Variants in PELI3 observed in about 807,000 individuals in gnomAD.
PELI3 encodes E3 ubiquitin-protein ligase pellino homolog 3.
A neutral mutation model predicts 35.5 loss-of-function variants in PELI3; 19 were observed. The ratio of observed to expected loss-of-function variants is 0.54; its 90% CI spans 0.37 to 0.79. The LOEUF (loss-of-function observed/expected upper bound fraction) is 0.79. Ranked by LOEUF, PELI3 falls within the 30% of genes least tolerant of loss-of-function variation. The probability of loss-of-function intolerance (pLI) is 0.00; values close to 1 mark genes in which losing one functional copy is unlikely to be tolerated. For synonymous variants in PELI3, 262 were observed against 279.2 expected, an observed-to-expected ratio of 0.94 and a Z score of 0.62; for missense variants, 490 against 661.2, an observed-to-expected ratio of 0.74 and a Z score of 2.84.
chr11:66,474,354 G>T (rs143772575), intron 7 of PELI3: 2 of 473,010 alleles, frequency 4.2e-6, no homozygotes, highest in East Asian at 4.2e-5. Flanking sequence ...TTCTCCTCTC[G>T]CAGGAGGAAA....
In PELI3 at chr11:66,476,206, C is replaced by G. The variant is rs1297012544; in HGVS notation, c.*39C>G. On this transcript the variant is annotated 3_prime_UTR_variant, in exon 8 of 8. Coordinates refer to ENST00000320740, the MANE Select transcript of PELI3 (RefSeq NM_145065.3). ...CCCTGCTGCTGTGCCCACCTGCCCA[C>G]CCAGGTCCCCACCTCCTGCAGCCCA... is the stretch of plus-strand genomic sequence containing the variant. 3.4e-5 allele frequency: 51 copies of G among 1,507,372 alleles called. No individual in the cohort carries two copies. The highest frequency in any genetic ancestry group is 4.4e-5 in the Non-Finnish European group (50 of 1,128,520). 93.4% of individuals were successfully genotyped at this position (1,507,372 alleles called of 1,614,324 possible). A position where few individuals can be genotyped will look rare whatever the true frequency, so the allele number is the denominator to read the frequency against.
chr11:66,468,828 C>A lies in PELI3; in HGVS notation c.153-5C>A. On this transcript the variant is annotated splice_polypyrimidine_tract_variant and splice_region_variant and intron_variant, in intron 2 of 7. Coordinates refer to ENST00000320740, the MANE Select transcript of PELI3 (RefSeq NM_145065.3). ...GGACATTATTTCATTTCAATCTTCA[C>A]AAAGATGCTGTGAGGAAGGAGGTGA... is the stretch of plus-strand genomic sequence containing the variant. The A allele has an allele frequency of 1.3e-6, 1 of 779,872 alleles. No individual in the cohort carries two copies. Among genetic ancestry groups the A allele is most frequent in the African/African-American group, 1.7e-5 (1 of 59,238 alleles). The allele number at this position is 779,872 out of a possible 1,614,324, so 48.3% of individuals were successfully genotyped here.
In PELI3 at chr11:66,476,237, A is replaced by C; in HGVS notation, c.*70A>C. The C allele has an allele frequency of 3.5e-6, 5 of 1,434,126 alleles. No homozygotes were observed. The allele number at this position is 1,434,126 out of a possible 1,614,324, so 88.8% of individuals were successfully genotyped here. On this transcript the variant is annotated 3_prime_UTR_variant, in exon 8 of 8. Coordinates refer to ENST00000320740, the MANE Select transcript of PELI3 (RefSeq NM_145065.3). ...TCCCCACCTCCTGCAGCCCAGAGGG[A>C]GCTCTGCATGTGGGACACTCCCTGC... is the stretch of plus-strand genomic sequence containing the variant.
chr11:66,468,489 C>G (rs141575576), intron 2 of PELI3, among the ~76,000 whole-genome samples: 4 of 152,356 alleles, frequency 2.6e-5, no homozygotes, highest in East Asian at 3.9e-4. Flanking sequence ...TGTGACAACT[C>G]TAACCACCCA....
In PELI3 at chr11:66,477,248, A is replaced by T. The variant is rs1854953035; in HGVS notation, c.*1081A>T. 6.6e-6 allele frequency: 1 copy of T among 152,202 alleles called. No individual in the cohort carries two copies. The highest frequency in any genetic ancestry group is 1.5e-5 in the Non-Finnish European group (1 of 68,078). The allele number at this position is 152,202 out of a possible 1,614,324, so 9.4% of individuals were successfully genotyped here. ...ACTGGTCAAGAGTGTCGGCTGTGAC[A>T]CAAGGGCCATCATCCCTGAATGCCC... On this transcript the variant is annotated 3_prime_UTR_variant, in exon 8 of 8. Coordinates refer to ENST00000320740, the MANE Select transcript of PELI3 (RefSeq NM_145065.3).
intron 3 of PELI3, 25 bp from the exon 4 acceptor site, chr11:66,471,214 CCTT>C (rs763887806): frequency 3.1e-6 from 5 of 1,596,594 alleles, no homozygotes; most frequent in African/African-American, 2.7e-5. Context: ...TCTTGCAACC[CCTT>C]CTTCTTAACC....
Position 66,471,377 on chromosome 11 carries a change from C to A in PELI3, c.354+6C>A. On this transcript the variant is annotated splice_donor_region_variant and intron_variant, in intron 4 of 7. Transcript: ENST00000320740. ...CCACGCCGCTCGTCTCCAAGGCAAG[C>A]AACTGACCCATAGACCTGAGGTCCT... The A allele has an allele frequency of 6.2e-7, 1 of 1,613,724 alleles. No homozygotes were observed. The highest frequency in any genetic ancestry group is 8.5e-7 in the Non-Finnish European group (1 of 1,179,854).
intron 2 of PELI3, among the ~76,000 whole-genome samples, chr11:66,468,510 C>A (rs568909212): frequency 2.0e-5 from 3 of 152,212 alleles, no homozygotes; most frequent in Non-Finnish European, 4.4e-5. Context: ...ACTTCCTGAT[C>A]AGATGAGAAA....
upstream of PELI3, chr11:66,466,856 G>T (rs1226469096): frequency 6.6e-6 from 1 of 152,060 alleles, no homozygotes; most frequent in Non-Finnish European, 1.5e-5. Flanking sequence ...CTCCGGACAG[G>T]GGGCGGAGCG....
rs1590716393 is a variant in PELI3, at chr11:66,468,759, A to G, written c.153-74A>G. ...AAGTACATAGAACAGCGCCTAGCAC[A>G]TATCGAGTGTTCTGGGAGGCAGGCC... On this transcript the variant is annotated intron_variant, in intron 2 of 7. Transcript: ENST00000320740. The G allele has an allele frequency of 1.5e-5, 11 of 753,136 alleles. No individual in the cohort carries two copies. The East Asian group carries it at 2.5e-4, about 17-fold the overall frequency. 46.7% of individuals were successfully genotyped at this position (753,136 alleles called of 1,614,324 possible). A position where few individuals can be genotyped will look rare whatever the true frequency, so the allele number is the denominator to read the frequency against.
At chr11:66,469,259 A>G (rs1449788316) in intron 3 of PELI3, among the ~76,000 whole-genome samples, 20 of 152,006 alleles carry the variant, frequency 1.3e-4, no homozygotes, top group Admixed American at 1.3e-3. Flanking sequence ...TTAAAAAAAA[A>G]AAAAGCAGTA....
Position 66,476,183 on chromosome 11 carries a change from C to G in PELI3, c.*16C>G. On this transcript the variant is annotated 3_prime_UTR_variant, in exon 8 of 8. Transcript: ENST00000320740. ...GCTGGATTAGGCTCCCTGGGGCCCC[C>G]TGCTGCTGTGCCCACCTGCCCACCC... The G allele has an allele frequency of 6.5e-7, 1 of 1,530,382 alleles. No homozygotes were observed. The highest frequency in any genetic ancestry group is 8.7e-7 in the Non-Finnish European group (1 of 1,143,176). The allele number at this position is 1,530,382 out of a possible 1,614,324, so 94.8% of individuals were successfully genotyped here.
intron 4 of PELI3, among the ~76,000 whole-genome samples, chr11:66,472,141 T>C (rs1565258462): frequency 4.6e-5 from 7 of 151,996 alleles, no homozygotes; most frequent in Admixed American, 4.6e-4. Context: ...CCCAAAATGC[T>C]GGGATTACAG....
chr11:66,467,108 GGGT>G lies in PELI3; in HGVS notation c.-2+87_-2+89del, dbSNP rs1854558192. 6.8e-6 allele frequency: 1 copy of G among 147,762 alleles called. No individual in the cohort carries two copies. The highest frequency in any genetic ancestry group is 1.5e-5 in the Non-Finnish European group (1 of 66,180). 9.2% of individuals were successfully genotyped at this position (147,762 alleles called of 1,614,324 possible). A position where few individuals can be genotyped will look rare whatever the true frequency, so the allele number is the denominator to read the frequency against. ...GCGGGGGGCGTGTTTGCGTGTCTGG[GGGT>G]GGTGGAGGGAGTGGGTCCGAGGGCG... On this transcript the variant is annotated intron_variant, in intron 1 of 7. Transcript: ENST00000320740. This position sits in a 1 kb window ranked among gnomAD's most constrained non-coding sequence, Gnocchi z 4.2.
intron 3 of PELI3, among the ~76,000 whole-genome samples, chr11:66,469,250 T>TAA (rs149842578): frequency 3.4e-4 from 49 of 145,448 alleles, no homozygotes; most frequent in African/African-American, 2.8e-4. Flanking sequence ...ACACATGCTT[T>TAA]AAAAAAAAAA....
At chr11:66,469,556 G>A (rs1175256918) in intron 3 of PELI3, among the ~76,000 whole-genome samples, 3 of 152,202 alleles carry the variant, frequency 2.0e-5, no homozygotes, top group Admixed American at 2.0e-4. Context: ...AAGCTGCCTT[G>A]GAAAAGCAGC....
At chr11:66,468,321 C>G (rs769798328) in intron 2 of PELI3, 41 bp downstream of exon 2, 1 of 1,412,994 alleles carries the variant, frequency 7.1e-7, no homozygotes, top group Non-Finnish European at 9.3e-7. Flanking sequence ...CACCAGACAC[C>G]CACCCAACGC....
At position 66,476,468 on chromosome 11, in the gene PELI3, G is replaced by A; in HGVS notation, c.*301G>A. ...CCACATCGTGCCGCCGACACTGTGT[G>A]CCCCTGGGGGAGTGAAGGGGCCAGG... is the stretch of plus-strand genomic sequence containing the variant. On this transcript the variant is annotated 3_prime_UTR_variant, in exon 8 of 8. Coordinates refer to ENST00000320740, the MANE Select transcript of PELI3 (RefSeq NM_145065.3). 1 of 434,984 alleles carries A rather than the reference G, an allele frequency of 2.3e-6. No homozygotes were observed. Among genetic ancestry groups the A allele is most frequent in the Non-Finnish European group, 4.1e-6 (1 of 241,622 alleles). The allele number at this position is 434,984 out of a possible 1,614,324, so 26.9% of individuals were successfully genotyped here.
chr11:66,475,106 T>TGAGATGGA (rs1854859673), intron 7 of PELI3: 1 of 161,856 alleles, frequency 6.2e-6, no homozygotes, highest in Non-Finnish European at 1.3e-5. Context: ...ATGAGGAAAC[T>TGAGATGGA]GAGATGGAGA....
Sources: gnomAD v4.1 joint callset for allele counts (sites outside exome capture counted in the v4.1 genomes callset) on GRCh38, gnomAD v4.1.1 for gene constraint, Gnocchi (gnomAD v3.1) non-coding constraint, MANE v1.5 for transcripts, NCBI Gene and HGNC (gene_info 2026-07-23, HGNC 2026-07-21) for gene names.